SHTN1: variants seen among roughly 807,000 people sequenced by gnomAD.
The protein encoded by SHTN1 is shootin-1.
Under a neutral mutation model 83.1 loss-of-function variants are expected in SHTN1, and 42 were observed. That is an observed-to-expected ratio of 0.51 (90% CI 0.39 to 0.65). The LOEUF (loss-of-function observed/expected upper bound fraction) is 0.65, where lower values mean the gene tolerates loss of function less well. Among genes scored for constraint, SHTN1 ranks in the 30% least tolerant of loss-of-function variants. The probability of loss-of-function intolerance (pLI) is 0.00; values close to 1 mark genes in which losing one functional copy is unlikely to be tolerated. For synonymous variants in SHTN1, 224 were observed against 247.7 expected, an observed-to-expected ratio of 0.90 and a Z score of 0.90; for missense variants, 622 against 737.8, an observed-to-expected ratio of 0.84 and a Z score of 1.82.
chr10:116,948,212 G>A (rs1849655400), intron 7 of SHTN1, among the ~76,000 whole-genome samples: 1 of 152,206 alleles, frequency 6.6e-6, no homozygotes. Context: ...AGCTGATGCT[G>A]TGTTTTATAA....
chr10:116,932,903 C>G (rs972400832), intron 9 of SHTN1, among the ~76,000 whole-genome samples: 1 of 152,140 alleles, frequency 6.6e-6, no homozygotes, highest in South Asian at 2.1e-4. Context: ...GTTCTAGGCA[C>G]GTATTATTTA....
chr10:116,896,187 A>G (rs1230629645), intron 16 of SHTN1, among the ~76,000 whole-genome samples: 1 of 152,184 alleles, frequency 6.6e-6, no homozygotes, highest in African/African-American at 2.4e-5. Flanking sequence ...TTCCTTTATT[A>G]TACCTATATC....
chr10:117,022,454 T>C (rs1161833123), intron 2 of SHTN1, among the ~76,000 whole-genome samples: 2 of 152,182 alleles, frequency 1.3e-5, no homozygotes, highest in Non-Finnish European at 2.9e-5. Context: ...TTAAATGCTA[T>C]TGCTGAATGT....
chr10:116,994,390 G>A (rs1351540827), intron 1 of SHTN1, among the ~76,000 whole-genome samples: 1 of 152,084 alleles, frequency 6.6e-6, no homozygotes, highest in Non-Finnish European at 1.5e-5. Context: ...ATGGAGCCTT[G>A]ATATCTAAAG....
At chr10:117,014,333 A>G (rs542831103) in intron 2 of SHTN1, among the ~76,000 whole-genome samples, 1 of 152,338 alleles carries the variant, frequency 6.6e-6, no homozygotes, top group South Asian at 2.1e-4. Context: ...AAATCCCAGG[A>G]TAGAATGCAG....
At chr10:116,926,836 A>AT (rs1337666048) in intron 11 of SHTN1, among the ~76,000 whole-genome samples, 2 of 152,208 alleles carry the variant, frequency 1.3e-5, no homozygotes, top group South Asian at 2.1e-4. Context: ...AGGTTGTCTT[A>AT]TGTAATTCTA....
intron 3 of SHTN1, among the ~76,000 whole-genome samples, chr10:116,966,531 A>G (rs1420685142): frequency 6.6e-6 from 1 of 152,246 alleles, no homozygotes; most frequent in African/African-American, 2.4e-5. Flanking sequence ...TGAGTTGCTC[A>G]TAAGGAAAAA....
chr10:117,012,096 G>A (rs1241056824), intron 2 of SHTN1, among the ~76,000 whole-genome samples: 3 of 147,314 alleles, frequency 2.0e-5, no homozygotes, highest in East Asian at 2.0e-4. Context: ...CCGAGATCGC[G>A]CCACTGCATT....
At chr10:116,991,604 T>C (rs1258977064) in intron 1 of SHTN1, among the ~76,000 whole-genome samples, 3 of 152,108 alleles carry the variant, frequency 2.0e-5, no homozygotes, top group Non-Finnish European at 2.9e-5. Context: ...TCATTACTTA[T>C]TGCTACAAGA....
chr10:116,975,948 T>G (rs944297847), intron 2 of SHTN1, among the ~76,000 whole-genome samples: 1 of 152,186 alleles, frequency 6.6e-6, no homozygotes, highest in Non-Finnish European at 1.5e-5. Context: ...GTCTGATAAT[T>G]TGCTGTGGAA....
chr10:116,921,062 C>T (rs1277015061), intron 12 of SHTN1, among the ~76,000 whole-genome samples: 3 of 152,190 alleles, frequency 2.0e-5, no homozygotes, highest in African/African-American at 7.2e-5. Flanking sequence ...CTCCAGCACA[C>T]AACAGTGGAG....
rs188283709 is a variant in SHTN1, at chr10:116,895,394, G to A, written c.1673+6371C>T. On this transcript the variant is annotated intron_variant, in intron 16 of 16. Transcript: ENST00000355371. ...AAGCACAGCCCTTTATTGGACATTT[G>A]GCATGAAAAAAATTGAAATAATTTC... 3.4e-4 allele frequency among the ~76,000 whole-genome samples: 52 copies of A among 152,196 alleles called. No individual in the cohort carries two copies. In the East Asian group the frequency reaches 7.0e-3, roughly 20 times the overall value.
intron 9 of SHTN1, among the ~76,000 whole-genome samples, chr10:116,937,093 G>A (rs554345533): frequency 1.6e-4 from 24 of 150,066 alleles, no homozygotes; most frequent in African/African-American, 3.0e-4. Flanking sequence ...ACAGCACACC[G>A]ATGGGTCTTG....
At chr10:117,045,494 A>T (rs562852258) in intron 2 of SHTN1, among the ~76,000 whole-genome samples, 2 of 152,316 alleles carry the variant, frequency 1.3e-5, no homozygotes, top group Admixed American at 1.3e-4. Context: ...ATTACATATG[A>T]AATAATTCCA....
In SHTN1 at chr10:117,091,197, A is replaced by G. The variant is rs115414289; in HGVS notation, c.-189+35110T>C. Reference sequence around the variant, plus strand: ...ATGGAAATACTCCTGAGAGTAATTAACGCATCAATATTAACATTTATCGAG... The same window carrying G: ...ATGGAAATACTCCTGAGAGTAATTAGCGCATCAATATTAACATTTATCGAG... On this transcript the variant is annotated intron_variant, in intron 1 of 17. Coordinates refer to the SHTN1 transcript ENST00000392901. 1.6e-3 allele frequency among the ~76,000 whole-genome samples: 241 copies of G among 152,358 alleles called. 1 individual carries two copies. Among genetic ancestry groups the G allele is most frequent in the African/African-American group, 5.6e-3 (232 of 41,588 alleles).
intron 1 of SHTN1, among the ~76,000 whole-genome samples, chr10:116,996,592 CAG>C (rs1851635793): frequency 1.3e-5 from 2 of 152,190 alleles, no homozygotes; most frequent in African/African-American, 4.8e-5. Flanking sequence ...TCTCCAGACT[CAG>C]AAACTAATTT....
At chr10:117,025,315 A>G (rs1201259890) in intron 2 of SHTN1, among the ~76,000 whole-genome samples, 1 of 152,204 alleles carries the variant, frequency 6.6e-6, no homozygotes, top group Non-Finnish European at 1.5e-5. Flanking sequence ...AACCAAACTC[A>G]GCTGATGCTC....
chr10:117,021,113 C>G (rs1852258034), intron 2 of SHTN1, among the ~76,000 whole-genome samples: 1 of 152,192 alleles, frequency 6.6e-6, no homozygotes, highest in Admixed American at 6.5e-5. Context: ...TGGCTCACGC[C>G]TGTAATCCCA....
upstream of SHTN1, chr10:117,005,531 C>T: frequency 1.0e-6 from 1 of 1,000,968 alleles, no homozygotes; most frequent in Non-Finnish European, 1.2e-6. Context: ...TTGGACGCTT[C>T]CCGGGGGTCG....
Sources: allele counts gnomAD v4.1 joint callset (sites outside exome capture counted in the v4.1 genomes callset), GRCh38; gene constraint gnomAD v4.1.1; transcripts MANE v1.5; gene names NCBI Gene and HGNC (gene_info 2026-07-23, HGNC 2026-07-21).